Variants in ZNRF3 observed in about 807,000 individuals in gnomAD.
ZNRF3 encodes the protein zinc and ring finger 3.
In ZNRF3, 23 loss-of-function variants were observed where a neutral mutation model predicts 72.5. That is an observed-to-expected ratio of 0.32 (90% CI 0.23 to 0.45). ZNRF3 has a LOEUF of 0.45. Among genes scored for constraint, ZNRF3 ranks in the 20% least tolerant of loss-of-function variants. The pLI is 1.00. For missense variants in ZNRF3, 1,169 were observed against 1,272.1 expected (o/e 0.92, Z 1.23); for synonymous variants, 610 against 545.3 (o/e 1.12, Z -1.65).
chr22:28,977,539 CT>C (rs2035696866), intron 1 of ZNRF3, among the ~76,000 whole-genome samples: 2 of 152,162 alleles, frequency 1.3e-5, no homozygotes, highest in Non-Finnish European at 2.9e-5. Flanking sequence ...AAGAAAAGGT[CT>C]GGGACTGATG....
At position 28,989,558 on chromosome 22, in the gene ZNRF3, T is replaced by C. The variant is rs539754119; in HGVS notation, c.426+2357T>C. On this transcript the variant is annotated intron_variant, in intron 2 of 8. Transcript: ENST00000544604. ...TCCCTGCAGAATTCATGATTTTCCATCCATTTCTTGGCTCTGAAGAAGCAG... is the reference window on the plus strand; with the variant it reads ...TCCCTGCAGAATTCATGATTTTCCACCCATTTCTTGGCTCTGAAGAAGCAG... Among the ~76,000 whole-genome samples, 47 of 152,274 alleles carry C rather than the reference T, an allele frequency of 3.1e-4. 1 individual carries two copies. The highest frequency in any genetic ancestry group is 1.7e-3 in the Admixed American group (26 of 15,302).
intron 2 of ZNRF3, among the ~76,000 whole-genome samples, chr22:29,012,080 C>G (rs748593224): frequency 6.6e-6 from 1 of 152,216 alleles, no homozygotes; most frequent in Non-Finnish European, 1.5e-5. Flanking sequence ...TTTGAAGTTG[C>G]TAGCCAAGTT....
intron 2 of ZNRF3, among the ~76,000 whole-genome samples, chr22:29,037,451 TCA>T (rs2036887201): frequency 6.6e-6 from 1 of 152,174 alleles, no homozygotes; most frequent in Non-Finnish European, 1.5e-5. Flanking sequence ...CACATAACAT[TCA>T]CAGTCAGGGA....
At chr22:28,965,247 A>G (rs1219387609) in intron 1 of ZNRF3, among the ~76,000 whole-genome samples, 1 of 152,228 alleles carries the variant, frequency 6.6e-6, no homozygotes, top group Admixed American at 6.5e-5. Flanking sequence ...GAGATAATGT[A>G]TGTTATACTT....
At chr22:29,021,073 G>C (rs1052694330) in intron 2 of ZNRF3, among the ~76,000 whole-genome samples, 1 of 151,990 alleles carries the variant, frequency 6.6e-6, no homozygotes, top group Admixed American at 6.6e-5. Context: ...TGGGATTACA[G>C]GCGTGAGCCA....
At chr22:28,984,634 T>G (rs1007422414) in intron 1 of ZNRF3, among the ~76,000 whole-genome samples, 9 of 152,212 alleles carry the variant, frequency 5.9e-5, no homozygotes, top group Admixed American at 4.6e-4. Context: ...ACCTGGGACT[T>G]CAGGAAGCTG....
chr22:28,955,789 C>T (rs1044661325), intron 1 of ZNRF3, among the ~76,000 whole-genome samples: 3 of 151,382 alleles, frequency 2.0e-5, no homozygotes, highest in Non-Finnish European at 4.4e-5. Flanking sequence ...CATGGTGGCT[C>T]GTGCCTGTGG....
intron 2 of ZNRF3, among the ~76,000 whole-genome samples, chr22:29,008,471 C>T (rs923526177): frequency 1.3e-5 from 2 of 152,176 alleles, no homozygotes; most frequent in Non-Finnish European, 2.9e-5. Flanking sequence ...AGATGCCAGG[C>T]GTGTGTCTTG....
intron 1 of ZNRF3, among the ~76,000 whole-genome samples, chr22:28,944,944 A>T (rs186796794): frequency 3.7e-4 from 55 of 148,832 alleles, no homozygotes; most frequent in African/African-American, 1.3e-3. Context: ...TAAATAAATA[A>T]ATAAATAAAT....
chr22:29,048,402 T>C lies in ZNRF3; in HGVS notation c.926T>C (p.Ile309Thr). Reference sequence around the variant, plus strand: ...CTCCCTGCCCAGGAGCTGCGGGTCATCCCCTGTACTCACCGGTTTCACAGG... The same window carrying C: ...CTCCCTGCCCAGGAGCTGCGGGTCACCCCCTGTACTCACCGGTTTCACAGG... ...KYIDGEELRV[I>T]PCTHRFHRKC... Residue 309 changes from isoleucine to threonine, a missense_variant, in exon 7 of 9, where the codon ATC becomes ACC. Ile to Thr is a moderately conservative substitution (Grantham distance 89, BLOSUM62 -1). This residue lies in a region of ZNRF3 where 386 missense variants were observed against 540.7 expected (regional missense o/e 0.71). Coordinates refer to ENST00000544604, the MANE Select transcript of ZNRF3 (RefSeq NM_001206998.2). This position sits in a 1 kb window ranked among gnomAD's most constrained non-coding sequence, Gnocchi z 4.9. The C allele has an allele frequency of 6.2e-7, 1 of 1,613,658 alleles. No individual in the cohort carries two copies. Among genetic ancestry groups the C allele is most frequent in the Non-Finnish European group, 8.5e-7 (1 of 1,179,690 alleles).
Position 29,055,192 on chromosome 22 carries a change from C to G in ZNRF3, c.*1570C>G, listed in dbSNP as rs906748866. The G allele has an allele frequency of 6.6e-6, 1 of 152,438 alleles. No homozygotes were observed. Among genetic ancestry groups the G allele is most frequent in the Non-Finnish European group, 1.5e-5 (1 of 68,008 alleles). The allele number at this position is 152,438 out of a possible 1,614,324, so 9.4% of individuals were successfully genotyped here. Reference sequence around the variant, plus strand: ...TTTTTTGTCCAATGTATTCCTTGTTCTTTAAAAAAATTTTTTTTAGAGGAA... The same window carrying G: ...TTTTTTGTCCAATGTATTCCTTGTTGTTTAAAAAAATTTTTTTTAGAGGAA... On this transcript the variant is annotated 3_prime_UTR_variant, in exon 9 of 9. Coordinates refer to ENST00000544604, the MANE Select transcript of ZNRF3 (RefSeq NM_001206998.2).
Position 29,055,592 on chromosome 22 carries a change from G to A in ZNRF3, c.*1970G>A, listed in dbSNP as rs1007657455. 1 of 152,202 alleles carries A rather than the reference G, an allele frequency of 6.6e-6. No individual in the cohort carries two copies. Among genetic ancestry groups the A allele is most frequent in the Non-Finnish European group, 1.5e-5 (1 of 68,036 alleles). The allele number at this position is 152,202 out of a possible 1,614,324, so 9.4% of individuals were successfully genotyped here. A position where few individuals can be genotyped will look rare whatever the true frequency, so the allele number is the denominator to read the frequency against. ...TGCAGTCCCTTGGGGGCTGCTCCTCGGACTGCGCCCCGCACACCTGTTATC... is the reference window on the plus strand; with the variant it reads ...TGCAGTCCCTTGGGGGCTGCTCCTCAGACTGCGCCCCGCACACCTGTTATC... On this transcript the variant is annotated 3_prime_UTR_variant, in exon 9 of 9. Coordinates refer to ENST00000544604, the MANE Select transcript of ZNRF3 (RefSeq NM_001206998.2).
intron 2 of ZNRF3, chr22:29,031,298 TC>T (rs2036747684): frequency 6.6e-6 from 1 of 152,044 alleles, no homozygotes; most frequent in African/African-American, 2.4e-5. Context: ...CACAGGTGAT[TC>T]CCCCTGCTGG....
chr22:28,985,554 G>C (rs947449514), intron 1 of ZNRF3, among the ~76,000 whole-genome samples: 2 of 152,110 alleles, frequency 1.3e-5, no homozygotes, highest in African/African-American at 4.8e-5. Context: ...TTTTTTCTAA[G>C]GATTTTATCT....
intron 1 of ZNRF3, among the ~76,000 whole-genome samples, chr22:28,897,404 T>C (rs1164767173): frequency 2.0e-5 from 3 of 152,220 alleles, no homozygotes; most frequent in African/African-American, 7.2e-5. Context: ...CACTGCAAAC[T>C]CTGCCTCACG....
rs936980235 is a variant in ZNRF3, at chr22:29,030,878, C to T, written c.427-11617C>T. Among the ~76,000 whole-genome samples the T allele has an allele frequency of 2.2e-4, 34 of 152,294 alleles. No homozygotes were observed. The highest frequency in any genetic ancestry group is 3.4e-3 in the Middle Eastern group (1 of 294). ...TCGGAGTTCTGAGCTGTGTTTGTGG[C>T]TTCAGCGCTTTGATCTCCTGCCAGG... On this transcript the variant is annotated intron_variant, in intron 2 of 8. Transcript: ENST00000544604. This position sits in a 1 kb window ranked among gnomAD's most constrained non-coding sequence, Gnocchi z 4.2.
rs2036735698 is a variant in ZNRF3, at chr22:29,030,857, A to G, written c.427-11638A>G. 6.6e-6 allele frequency among the ~76,000 whole-genome samples: 1 copy of G among 152,016 alleles called. No homozygotes were observed. The highest frequency in any genetic ancestry group is 2.4e-5 in the African/African-American group (1 of 41,362). Reference sequence around the variant, plus strand: ...GGGGATGTTGGCCGCAGGGCCTCGGAGTTCTGAGCTGTGTTTGTGGCTTCA... The same window carrying G: ...GGGGATGTTGGCCGCAGGGCCTCGGGGTTCTGAGCTGTGTTTGTGGCTTCA... On this transcript the variant is annotated intron_variant, in intron 2 of 8. Transcript: ENST00000544604. This position sits in a 1 kb window ranked among gnomAD's most constrained non-coding sequence, Gnocchi z 4.2.
rs57329565 is a variant in ZNRF3, at chr22:28,994,176, C to CTTTTTTTTTTTTTTTTTTTT, written c.426+6983_426+7002dup. On this transcript the variant is annotated intron_variant, in intron 2 of 8. Coordinates refer to ENST00000544604, the MANE Select transcript of ZNRF3 (RefSeq NM_001206998.2). The stretch of plus-strand genomic sequence containing the variant: ...TCCTTTATTGTCCTTCAGTTCCTTT[C>CTTTTTTTTTTTTTTTTTTTT]TTTTTTTTTTTTTTTTTTTTTTTTT... 5.1e-3 allele frequency among the ~76,000 whole-genome samples: 205 copies of CTTTTTTTTTTTTTTTTTTTT among 39,806 alleles called. 27 individuals are homozygous for CTTTTTTTTTTTTTTTTTTTT. The highest frequency in any genetic ancestry group is 6.1e-3 in the Non-Finnish European group (139 of 22,952). The allele number at this position is 39,806 out of a possible 152,430, so 26.1% of individuals were successfully genotyped here. A position where few individuals can be genotyped will look rare whatever the true frequency, so the allele number is the denominator to read the frequency against.
At position 28,976,515 on chromosome 22, in the gene ZNRF3, A is replaced by G. The variant is rs796434758; in HGVS notation, c.301-10561A>G. On this transcript the variant is annotated intron_variant, in intron 1 of 8. Coordinates refer to ENST00000544604, the MANE Select transcript of ZNRF3 (RefSeq NM_001206998.2). ...AGTGAGACCCCTGTCTGAATAAAAAATAAATTAATATAGCTTTGGAATTTT... is the reference window on the plus strand; with the variant it reads ...AGTGAGACCCCTGTCTGAATAAAAAGTAAATTAATATAGCTTTGGAATTTT... Among the ~76,000 whole-genome samples, 6 of 152,336 alleles carry G rather than the reference A, an allele frequency of 3.9e-5. 1 individual carries two copies. Among genetic ancestry groups the G allele is most frequent in the African/African-American group, 1.4e-4 (6 of 41,574 alleles).
Sources: gnomAD v4.1 joint callset for allele counts (sites outside exome capture counted in the v4.1 genomes callset) on GRCh38, gnomAD v4.1.1 for gene constraint, gnomAD v4.1.1 regional missense constraint, Gnocchi (gnomAD v3.1) non-coding constraint, MANE v1.5 for transcripts, NCBI Gene and HGNC (gene_info 2026-07-23, HGNC 2026-07-21) for gene names.